CRIM1: variants seen among roughly 807,000 people sequenced by gnomAD.
CRIM1 encodes the protein cysteine rich transmembrane BMP regulator 1.
CRIM1 carries 32 observed loss-of-function variants against 116.4 expected under a neutral mutation model. That is an observed-to-expected ratio of 0.27 (90% CI 0.21 to 0.37). The LOEUF is 0.37. CRIM1 is among the 10% of genes least tolerant of loss of function. The pLI, the probability that CRIM1 is intolerant of heterozygous loss-of-function variation, is 1.00. For synonymous variants in CRIM1, 590 were observed against 509.2 expected (o/e 1.16, Z -2.13); for missense variants, 1,331 against 1,354.8 (o/e 0.98, Z 0.28).
At chr2:36,501,636 C>G (rs546192615) in intron 8 of CRIM1, among the ~76,000 whole-genome samples, 15 of 152,272 alleles carry the variant, frequency 9.9e-5, no homozygotes, top group Non-Finnish European at 1.5e-4. Flanking sequence ...GTGGGGCGAT[C>G]TCTTGAGCTC....
intron 4 of CRIM1, among the ~76,000 whole-genome samples, chr2:36,462,019 G>T (rs1209084321): frequency 6.6e-6 from 1 of 152,182 alleles, no homozygotes; most frequent in Non-Finnish European, 1.5e-5. Flanking sequence ...AGAAGGCTTT[G>T]CAGGGAAGGA....
At position 36,513,851 on chromosome 2, in the gene CRIM1, G is replaced by T; in HGVS notation, c.1990+86G>T. The T allele has an allele frequency of 5.6e-6, 7 of 1,246,468 alleles. No homozygotes were observed. The South Asian group carries it at 9.0e-5, about 16-fold the overall frequency. 77.2% of individuals were successfully genotyped at this position (1,246,468 alleles called of 1,614,324 possible). A position where few individuals can be genotyped will look rare whatever the true frequency, so the allele number is the denominator to read the frequency against. On this transcript the variant is annotated intron_variant, in intron 11 of 16. Transcript: ENST00000280527. ...TAGACACATTTGTAACTCTGGGGAG[G>T]TTGGAGGGGACAACCCCTGGAACAC...
intron 5 of CRIM1, among the ~76,000 whole-genome samples, chr2:36,476,331 A>C (rs1678973042): frequency 6.6e-6 from 1 of 152,176 alleles, no homozygotes; most frequent in Admixed American, 6.5e-5. Flanking sequence ...TCAGACCTTC[A>C]TTATAGGGAT....
At chr2:36,459,092 G>GT (rs1421240162) in intron 4 of CRIM1, among the ~76,000 whole-genome samples, 56 of 150,404 alleles carry the variant, frequency 3.7e-4, no homozygotes, top group African/African-American at 7.8e-4. Context: ...TTGCTTTTTT[G>GT]TTTTTTTTTA....
At chr2:36,427,752 C>A (rs1040123428) in intron 2 of CRIM1, among the ~76,000 whole-genome samples, 1 of 152,216 alleles carries the variant, frequency 6.6e-6, no homozygotes, top group Non-Finnish European at 1.5e-5. Flanking sequence ...CATGGGCGCT[C>A]TCTCTGTCTA....
intron 2 of CRIM1, among the ~76,000 whole-genome samples, chr2:36,411,001 T>A (rs1344130581): frequency 6.6e-6 from 1 of 152,230 alleles, no homozygotes; most frequent in Non-Finnish European, 1.5e-5. Context: ...CTCAGTCGTG[T>A]CTGACGCAGA....
intron 1 of CRIM1, among the ~76,000 whole-genome samples, chr2:36,373,061 C>G (rs1269548133): frequency 6.6e-6 from 1 of 152,142 alleles, no homozygotes; most frequent in Non-Finnish European, 1.5e-5. Flanking sequence ...GTTTTCTTTT[C>G]AGTGTTGCCT....
chr2:36,390,735 A>C (rs1243996400), intron 1 of CRIM1, among the ~76,000 whole-genome samples: 1 of 152,028 alleles, frequency 6.6e-6, no homozygotes, highest in Admixed American at 6.6e-5. Flanking sequence ...TTTAAGCAAA[A>C]TTTTCAGCCT....
At chr2:36,484,097 G>A (rs536139820) in intron 7 of CRIM1, among the ~76,000 whole-genome samples, 1 of 152,314 alleles carries the variant, frequency 6.6e-6, no homozygotes, top group African/African-American at 2.4e-5. Context: ...AGCCTCATGG[G>A]CCTTCCAAGA....
At chr2:36,481,812 A>G (rs922752427) in intron 7 of CRIM1, among the ~76,000 whole-genome samples, 2 of 152,138 alleles carry the variant, frequency 1.3e-5, no homozygotes, top group East Asian at 3.9e-4. Flanking sequence ...CCCCTGCCCC[A>G]CACAGCATCC....
At chr2:36,380,423 C>G (rs1253962116) in intron 1 of CRIM1, among the ~76,000 whole-genome samples, 1 of 152,094 alleles carries the variant, frequency 6.6e-6, no homozygotes, top group South Asian at 2.1e-4. Context: ...TGCTGCAGCC[C>G]TAAGCTCCAG....
chr2:36,459,067 A>G (rs1162462186), intron 4 of CRIM1, among the ~76,000 whole-genome samples: 7 of 152,222 alleles, frequency 4.6e-5, no homozygotes, highest in Non-Finnish European at 1.0e-4. Flanking sequence ...TGTTAAAACT[A>G]GTTGTACTTG....
At chr2:36,500,980 A>G (rs1030645291) in intron 8 of CRIM1, among the ~76,000 whole-genome samples, 1 of 152,224 alleles carries the variant, frequency 6.6e-6, no homozygotes, top group Non-Finnish European at 1.5e-5. Context: ...GGCTCCTGGT[A>G]GTCAGTGCTT....
At position 36,396,670 on chromosome 2, in the gene CRIM1, A is replaced by G. The variant is rs747146030; in HGVS notation, c.388A>G (p.Ile130Val). The part of the protein sequence containing the change: ...LGFKPCNENL[I>V]AGCNIINGKC... Reference sequence around the variant, plus strand: ...TTTTAAACCATGCAATGAAAACCTTATTGCTGGCTGCAATATAATCAATGG... The same window carrying G: ...TTTTAAACCATGCAATGAAAACCTTGTTGCTGGCTGCAATATAATCAATGG... The change falls in exon 2 of 17, where the codon ATT (isoleucine) becomes GTT (valine). Residue 130 changes from isoleucine to valine, a missense_variant. This residue lies in a region of CRIM1 where 690 missense variants were observed against 676.0 expected (regional missense o/e 1.02). Transcript: ENST00000280527. The G allele has an allele frequency of 1.1e-5, 17 of 1,613,424 alleles. 1 individual carries two copies.
rs138346030 is a variant in CRIM1, at chr2:36,537,327, C to T, written c.2429-25C>T. 3,068 of 1,609,248 alleles carry T rather than the reference C, an allele frequency of 1.9e-3. 10 individuals carry two copies. Among genetic ancestry groups the T allele is most frequent in the South Asian group, 3.7e-3 (333 of 90,922 alleles). On this transcript the variant is annotated intron_variant, in intron 13 of 16. Coordinates refer to ENST00000280527, the MANE Select transcript of CRIM1 (RefSeq NM_016441.3). ...GTGTGCGTTGTCACATCAGCGACTC[C>T]ATCATGTGCTGTTCTTTTCACTAGA...
chr2:36,476,910 T>C lies in CRIM1; in HGVS notation c.1013T>C (p.Phe338Ser). ...CVNDTKPACV[F>S]NNVEYYDGDM... The stretch of plus-strand genomic sequence containing the variant: ...TCAGATACAAAGCCAGCCTGCGTAT[T>C]TAACAATGTGGAATATTATGATGGA... The change falls in exon 6 of 17, where the codon TTT (phenylalanine) becomes TCT (serine). Residue 338 changes from phenylalanine (F) to serine (S), a missense_variant. Coordinates refer to ENST00000280527, the MANE Select transcript of CRIM1 (RefSeq NM_016441.3). 3 of 1,613,588 alleles carry C rather than the reference T, an allele frequency of 1.9e-6. No individual in the cohort carries two copies. Among genetic ancestry groups the C allele is most frequent in the Non-Finnish European group, 2.5e-6 (3 of 1,179,772 alleles).
intron 5 of CRIM1, among the ~76,000 whole-genome samples, chr2:36,471,787 G>C (rs535305189): frequency 6.6e-6 from 1 of 150,598 alleles, no homozygotes; most frequent in South Asian, 2.1e-4. Flanking sequence ...AAGAAAGTTT[G>C]CATTCAAAGC....
At chr2:36,394,264 GT>G (rs1052125766) in intron 1 of CRIM1, among the ~76,000 whole-genome samples, 2 of 152,030 alleles carry the variant, frequency 1.3e-5, no homozygotes, top group South Asian at 2.1e-4. Flanking sequence ...TTTCTTACAA[GT>G]TTTTTTTAAT....
At chr2:36,503,617 T>C (rs993476421) in intron 8 of CRIM1, among the ~76,000 whole-genome samples, 14 of 152,106 alleles carry the variant, frequency 9.2e-5, no homozygotes, top group Non-Finnish European at 2.9e-5. Flanking sequence ...AGCTTTCCTT[T>C]TACTTTTTCA....
Sources: allele counts gnomAD v4.1 joint callset (sites outside exome capture counted in the v4.1 genomes callset), GRCh38; gene constraint gnomAD v4.1.1; regional missense constraint gnomAD v4.1.1; transcripts MANE v1.5; gene names NCBI Gene and HGNC (gene_info 2026-07-23, HGNC 2026-07-21).